ZBTB7C: variants seen among roughly 807,000 people sequenced by gnomAD.
ZBTB7C encodes zinc finger and BTB domain-containing protein 7C.
ZBTB7C carries 8 observed loss-of-function variants against 25.7 expected under a neutral mutation model. That is an observed-to-expected ratio of 0.31 (90% CI 0.18 to 0.56). ZBTB7C has a LOEUF of 0.56. ZBTB7C is among the 20% of genes least tolerant of loss of function. The pLI is 0.91. For missense variants in ZBTB7C, 824 were observed against 855.2 expected, an observed-to-expected ratio of 0.96 and a Z score of 0.46; for synonymous variants, 394 against 369.0, an observed-to-expected ratio of 1.07 and a Z score of -0.78.
Position 48,395,783 on chromosome 18 carries a change from C to A in ZBTB7C, c.-304+13443G>T, listed in dbSNP as rs1243877311. 2.0e-5 allele frequency among the ~76,000 whole-genome samples: 3 copies of A among 152,074 alleles called. No homozygotes were observed. The East Asian group carries it at 5.8e-4, about 29-fold the overall frequency. ...AGCCATTTCTGAATGAAGAACAGGA[C>A]ATTAGGGAAGTGCAATCCAGAATCT... On this transcript the variant is annotated intron_variant, in intron 1 of 4. Transcript: ENST00000590800.
At chr18:48,285,652 A>G (rs990493557) in intron 2 of ZBTB7C, among the ~76,000 whole-genome samples, 3 of 152,176 alleles carry the variant, frequency 2.0e-5, no homozygotes, top group Non-Finnish European at 4.4e-5. Context: ...ATGCCAAGCC[A>G]GCTTTCATCT....
At chr18:48,204,328 G>A (rs955649017) in intron 2 of ZBTB7C, among the ~76,000 whole-genome samples, 3 of 152,086 alleles carry the variant, frequency 2.0e-5, no homozygotes, top group African/African-American at 4.8e-5. Context: ...CATTCCACAC[G>A]GATCTTTTTA....
intron 3 of ZBTB7C, among the ~76,000 whole-genome samples, chr18:48,143,262 T>C (rs888196652): frequency 3.3e-5 from 5 of 152,134 alleles, no homozygotes; most frequent in Admixed American, 2.6e-4. Context: ...CAGTGGAACC[T>C]TGGCCATCTG....
chr18:48,317,316 G>C (rs1420288307), intron 2 of ZBTB7C, among the ~76,000 whole-genome samples: 1 of 150,708 alleles, frequency 6.6e-6, no homozygotes, highest in African/African-American at 2.4e-5. Context: ...CAGCAGGCTT[G>C]GCTAAAAACT....
At chr18:48,286,649 C>T (rs555474920) in intron 2 of ZBTB7C, among the ~76,000 whole-genome samples, 1 of 152,128 alleles carries the variant, frequency 6.6e-6, no homozygotes, top group East Asian at 1.9e-4. Context: ...AAACTCTTGT[C>T]AAACAGATAC....
chr18:48,272,819 A>T (rs2044532437), intron 2 of ZBTB7C, among the ~76,000 whole-genome samples: 4 of 152,316 alleles, frequency 2.6e-5, no homozygotes, highest in South Asian at 4.2e-4. Context: ...ATTTAGCCAT[A>T]AAAAATGAAT....
At chr18:48,366,893 G>C (rs2047233707) in intron 1 of ZBTB7C, among the ~76,000 whole-genome samples, 1 of 151,946 alleles carries the variant, frequency 6.6e-6, no homozygotes, top group South Asian at 2.1e-4. Context: ...ACATGTGCAT[G>C]CTTACATATG....
chr18:48,040,555 A>T lies in ZBTB7C; in HGVS notation c.553T>A (p.Cys185Ser), dbSNP rs868558985. 8.7e-6 allele frequency: 14 copies of T among 1,613,922 alleles called. No homozygotes were observed. The Middle Eastern group carries it at 1.8e-3, about 208-fold the overall frequency. ...TCTGTCTTGGAAGGGCTTTGGTGGCAGCTGATGTCCTGGGGGTCAGGCAAG... is the reference window on the plus strand; with the variant it reads ...TCTGTCTTGGAAGGGCTTTGGTGGCTGCTGATGTCCTGGGGGTCAGGCAAG... Reference protein sequence around the residue: ...ENLPDPQDISCHQSPSKTDHL... With the variant: ...ENLPDPQDISSHQSPSKTDHL... The change falls in exon 4 of 5, where the codon TGC becomes AGC. Residue 185 changes from cysteine to serine, a missense_variant. This residue lies in a region of ZBTB7C where 316 missense variants were observed against 299.2 expected (regional missense o/e 1.06). Transcript: ENST00000590800.
intron 2 of ZBTB7C, among the ~76,000 whole-genome samples, chr18:48,326,871 T>C (rs2144885487): frequency 6.6e-6 from 1 of 152,346 alleles, no homozygotes; most frequent in Admixed American, 6.5e-5. Flanking sequence ...AAGCATTTGA[T>C]TTTCATGTTT....
intron 2 of ZBTB7C, among the ~76,000 whole-genome samples, chr18:48,261,542 G>A (rs1218280468): frequency 6.6e-6 from 1 of 152,188 alleles, no homozygotes; most frequent in Admixed American, 6.5e-5. Context: ...TGTTCTCATA[G>A]GATGATGTTG....
At chr18:48,201,980 A>G (rs1489075216) in intron 2 of ZBTB7C, among the ~76,000 whole-genome samples, 1 of 152,108 alleles carries the variant, frequency 6.6e-6, no homozygotes, top group African/African-American at 2.4e-5. Flanking sequence ...TTCTTCCTTT[A>G]TGATTTGACC....
intron 3 of ZBTB7C, among the ~76,000 whole-genome samples, chr18:48,045,675 C>T (rs1468188298): frequency 6.6e-6 from 1 of 152,242 alleles, no homozygotes; most frequent in African/African-American, 2.4e-5. Context: ...CAACCCTTTC[C>T]CCATCCCTCA....
chr18:48,306,000 C>G (rs572643854), intron 2 of ZBTB7C, among the ~76,000 whole-genome samples: 1 of 152,336 alleles, frequency 6.6e-6, no homozygotes, highest in Admixed American at 6.5e-5. Flanking sequence ...CAAACAGAGC[C>G]TGAGCTCAAG....
At position 48,029,506 on chromosome 18, in the gene ZBTB7C, G is replaced by T; in HGVS notation, c.1614C>A (p.Pro538=). The T allele has an allele frequency of 6.3e-7, 1 of 1,589,630 alleles. No homozygotes were observed. ...PSPAKHFLAA[P]KGALSLQELE... ...GCTCTTGCAGGCTCAGGGCGCCCTTGGGCGCTGCCAGGAAGTGCTTGGCGG... is the reference window on the plus strand; with the variant it reads ...GCTCTTGCAGGCTCAGGGCGCCCTTTGGCGCTGCCAGGAAGTGCTTGGCGG... The change falls in exon 5 of 5, where the codon CCC becomes CCA. Residue 538 remains proline (P), a synonymous_variant. Transcript: ENST00000590800.
intron 2 of ZBTB7C, among the ~76,000 whole-genome samples, chr18:48,291,790 A>T (rs1377006151): frequency 6.6e-6 from 1 of 152,216 alleles, no homozygotes; most frequent in East Asian, 1.9e-4. Context: ...TGAACACAGC[A>T]GTTAGGGGGA....
At chr18:48,052,693 G>A (rs573606390) in intron 3 of ZBTB7C, among the ~76,000 whole-genome samples, 1 of 152,302 alleles carries the variant, frequency 6.6e-6, no homozygotes, top group African/African-American at 2.4e-5. Context: ...AAACCCTCTG[G>A]GGGAGGAATT....
chr18:48,207,282 A>G (rs1442854261), intron 2 of ZBTB7C, among the ~76,000 whole-genome samples: 2 of 152,334 alleles, frequency 1.3e-5, no homozygotes, highest in Admixed American at 1.3e-4. Flanking sequence ...ACATGCATAT[A>G]CCATACAATC....
intron 3 of ZBTB7C, among the ~76,000 whole-genome samples, chr18:48,184,177 T>C (rs970397183): frequency 3.3e-5 from 5 of 152,056 alleles, no homozygotes; most frequent in African/African-American, 1.2e-4. Flanking sequence ...TCTGACATAA[T>C]ACAGCCCACG....
chr18:48,076,172 G>A lies in ZBTB7C; in HGVS notation c.-16-35049C>T, dbSNP rs145428829. ...ATAATGGGTCCCCACTAAATGAGCC[G>A]CTTCTATGTTCCTAGTGGCTTGTGA... On this transcript the variant is annotated intron_variant, in intron 3 of 4. Coordinates refer to ENST00000590800, the MANE Select transcript of ZBTB7C (RefSeq NM_001318841.2). Among the ~76,000 whole-genome samples, 31 of 152,274 alleles carry A rather than the reference G, an allele frequency of 2.0e-4. No individual in the cohort carries two copies. The East Asian group carries it at 4.3e-3, about 21-fold the overall frequency.
Sources: allele counts gnomAD v4.1 joint callset (sites outside exome capture counted in the v4.1 genomes callset), GRCh38; gene constraint gnomAD v4.1.1; regional missense constraint gnomAD v4.1.1; transcripts MANE v1.5; gene names NCBI Gene and HGNC (gene_info 2026-07-23, HGNC 2026-07-21).